UQCC1: variants seen among roughly 807,000 people sequenced by gnomAD.
The protein encoded by UQCC1 is ubiquinol-cytochrome c reductase complex assembly factor 1, also known as bFGF-repressed Zic-binding protein.
Under a neutral mutation model 48.0 loss-of-function variants are expected in UQCC1, and 38 were observed. The observed-to-expected ratio is 0.79, with a 90% confidence interval of 0.61 to 1.04. UQCC1 has a LOEUF of 1.04. Among genes scored for constraint, UQCC1 ranks in the 50% least tolerant of loss-of-function variants. The pLI is 0.00. For synonymous variants in UQCC1, 111 were observed against 129.2 expected (o/e 0.86, Z 0.95); for missense variants, 368 against 381.8 (o/e 0.96, Z 0.30).
chr20:35,335,658 G>A (rs536101796), intron 7 of UQCC1, among the ~76,000 whole-genome samples: 8 of 152,288 alleles, frequency 5.3e-5, no homozygotes, highest in African/African-American at 1.9e-4. Context: ...GTGGTTTCCA[G>A]GGGCTAGGGG....
chr20:35,402,612 C>T (rs201254571), intron 1 of UQCC1, among the ~76,000 whole-genome samples: 2 of 106,062 alleles, frequency 1.9e-5, no homozygotes, highest in African/African-American at 7.5e-5. Flanking sequence ...AACAAACAAA[C>T]AAAATATATA....
chr20:35,371,745 C>A (rs900416550), intron 5 of UQCC1, among the ~76,000 whole-genome samples: 9 of 150,624 alleles, frequency 6.0e-5, no homozygotes, highest in African/African-American at 2.2e-4. Context: ...GTGGCTTATG[C>A]CTGTAATCCC....
At chr20:35,407,827 A>T (rs2062275257) in intron 1 of UQCC1, among the ~76,000 whole-genome samples, 1 of 152,152 alleles carries the variant, frequency 6.6e-6, no homozygotes, top group Non-Finnish European at 1.5e-5. Context: ...GTTTGAGACC[A>T]TCCTGACCAA....
chr20:35,396,238 G>A (rs2062076877), intron 1 of UQCC1, among the ~76,000 whole-genome samples: 1 of 149,194 alleles, frequency 6.7e-6, no homozygotes, highest in East Asian at 2.0e-4. Flanking sequence ...ACCTACCTCG[G>A]ACTCCCAAAA....
chr20:35,410,475 T>A (rs1181901980), intron 1 of UQCC1, among the ~76,000 whole-genome samples: 6 of 146,314 alleles, frequency 4.1e-5, no homozygotes, highest in Admixed American at 2.1e-4. Flanking sequence ...GAGGTTGCAG[T>A]GAGCCGAGAT....
chr20:35,387,801 T>C (rs992222419), intron 2 of UQCC1, among the ~76,000 whole-genome samples: 13 of 36,386 alleles, frequency 3.6e-4, no homozygotes, highest in African/African-American at 6.8e-4. Context: ...AGGACAACTT[T>C]TTTTTTTTTT....
intron 2 of UQCC1, among the ~76,000 whole-genome samples, chr20:35,388,420 T>C (rs1437778386): frequency 1.3e-5 from 2 of 150,810 alleles, no homozygotes; most frequent in Non-Finnish European, 2.9e-5. Context: ...GCCTCCTGAG[T>C]ACCTGGGAAC....
At position 35,314,679 on chromosome 20, in the gene UQCC1, C is replaced by T; in HGVS notation, c.651+9G>A. 4 of 1,599,904 alleles carry T rather than the reference C, an allele frequency of 2.5e-6. No homozygotes were observed. The highest frequency in any genetic ancestry group is 2.6e-6 in the Non-Finnish European group (3 of 1,169,654). On this transcript the variant is annotated intron_variant, in intron 8 of 9. Coordinates refer to ENST00000374385, the MANE Select transcript of UQCC1 (RefSeq NM_018244.5). The stretch of plus-strand genomic sequence containing the variant: ...ACCGTCCTGCCTAAGCCTTGGCAAA[C>T]AATCTTACCTCATCATATCCCAAGA...
At chr20:35,356,535 T>C (rs2061549076) in intron 6 of UQCC1, among the ~76,000 whole-genome samples, 4 of 152,192 alleles carry the variant, frequency 2.6e-5, no homozygotes, top group Admixed American at 2.6e-4. Flanking sequence ...CCAAGTGATT[T>C]GGATGCATTA....
chr20:35,384,599 A>AC (rs1568698447), intron 2 of UQCC1: 1 of 446,946 alleles, frequency 2.2e-6, no homozygotes, highest in Non-Finnish European at 4.5e-6. Flanking sequence ...CTATCATCAC[A>AC]CCACTGCACT....
intron 2 of UQCC1, chr20:35,384,505 G>A: frequency 2.8e-6 from 1 of 354,508 alleles, no homozygotes. Flanking sequence ...GCTGGGTGTG[G>A]TGGTGCATGC....
At position 35,371,334 on chromosome 20, in the gene UQCC1, G is replaced by A. The variant is rs1302779379; in HGVS notation, c.406+2850C>T. On this transcript the variant is annotated intron_variant, in intron 5 of 9. Transcript: ENST00000374385. ...CATTAAATAGACATCTGAGGATGAG[G>A]GTTTTTTTTGTTTTTTTTTTTGAGA... Among the ~76,000 whole-genome samples the A allele has an allele frequency of 3.2e-5, 4 of 123,840 alleles. No individual in the cohort carries two copies. The East Asian group carries it at 1.2e-3, about 37-fold the overall frequency. 81.2% of individuals were successfully genotyped at this position (123,840 alleles called of 152,430 possible). A position where few individuals can be genotyped will look rare whatever the true frequency, so the allele number is the denominator to read the frequency against.
chr20:35,375,886 T>C (rs1273119183), intron 4 of UQCC1, among the ~76,000 whole-genome samples: 1 of 122,206 alleles, frequency 8.2e-6, no homozygotes, highest in African/African-American at 3.2e-5. Context: ...AAGGCGGAGG[T>C]TGCAGCAAGC....
intron 3 of UQCC1, 39 bp downstream of exon 3, chr20:35,383,999 A>G: frequency 6.4e-7 from 1 of 1,562,166 alleles, no homozygotes; most frequent in Middle Eastern, 1.7e-4. Context: ...ACCTGTGTGA[A>G]AGCACTCTAT....
intron 1 of UQCC1, among the ~76,000 whole-genome samples, chr20:35,400,640 C>T (rs1335344967): frequency 3.9e-5 from 6 of 151,920 alleles, no homozygotes; most frequent in East Asian, 3.9e-4. Context: ...GGACTACAGG[C>T]GCCCGCCACC....
At chr20:35,391,623 G>A (rs1328210040) in intron 2 of UQCC1, among the ~76,000 whole-genome samples, 1 of 111,748 alleles carries the variant, frequency 8.9e-6, no homozygotes, top group Non-Finnish European at 1.8e-5. Flanking sequence ...GACAGAGTGG[G>A]ACTCTGTCTT....
chr20:35,385,374 GTGCCAGATAC>G (rs2061929424), intron 2 of UQCC1, among the ~76,000 whole-genome samples: 1 of 152,166 alleles, frequency 6.6e-6, no homozygotes, highest in Non-Finnish European at 1.5e-5. Flanking sequence ...CCGTTATTAT[GTGCCAGATAC>G]TATACAGAAT....
At chr20:35,322,333 A>G (rs2061140407) in intron 7 of UQCC1, among the ~76,000 whole-genome samples, 1 of 151,978 alleles carries the variant, frequency 6.6e-6, no homozygotes, top group African/African-American at 2.4e-5. Context: ...TAATATTTTC[A>G]TTTTATTATC....
intron 4 of UQCC1, among the ~76,000 whole-genome samples, chr20:35,377,639 T>C (rs1370863274): frequency 6.6e-6 from 1 of 152,194 alleles, no homozygotes; most frequent in African/African-American, 2.4e-5. Context: ...TACAGACAAG[T>C]ATGTAACTTT....
Sources: gnomAD v4.1 joint callset for allele counts (sites outside exome capture counted in the v4.1 genomes callset) on GRCh38, gnomAD v4.1.1 for gene constraint, MANE v1.5 for transcripts, NCBI Gene and HGNC (gene_info 2026-07-23, HGNC 2026-07-21) for gene names.